FHOD3: variants seen among roughly 807,000 people sequenced by gnomAD.
FHOD3 encodes the protein formin homology 2 domain containing 3.
In FHOD3, 90 loss-of-function variants were observed where a neutral mutation model predicts 173.0. That is an observed-to-expected ratio of 0.52 (90% confidence interval 0.44 to 0.62). The LOEUF is 0.62. Ranked by LOEUF, FHOD3 falls within the 20% of genes least tolerant of loss-of-function variation. The pLI, the probability that FHOD3 is intolerant of heterozygous loss-of-function variation, is 0.00. For synonymous variants in FHOD3, 828 were observed against 823.0 expected (o/e 1.01, Z -0.10); for missense variants, 1,945 against 2,034.7 (o/e 0.96, Z 0.85).
chr18:36,614,866 T>TTTTTG (rs2033049161), intron 9 of FHOD3, among the ~76,000 whole-genome samples: 1 of 129,108 alleles, frequency 7.7e-6, no homozygotes, highest in Non-Finnish European at 1.7e-5. Flanking sequence ...TTTTTTTTTT[T>TTTTTG]GAGATGGAGC....
chr18:36,340,582 G>GTTT lies in FHOD3; in HGVS notation c.166-14947_166-14945dup, dbSNP rs33949867. On this transcript the variant is annotated intron_variant, in intron 1 of 28. Transcript: ENST00000590592. ...TTGGTTTGTATGACGGCTTTCTCTT[G>GTTT]TTTTTTTTTTTTCCCTCTGGTTCTC... Among the ~76,000 whole-genome samples the GTTT allele has an allele frequency of 9.3e-4, 134 of 144,644 alleles. 3 individuals are homozygous for GTTT. The highest frequency in any genetic ancestry group is 1.0e-3 in the Admixed American group (15 of 14,518). 94.9% of individuals were successfully genotyped at this position (144,644 alleles called of 152,430 possible). A position where few individuals can be genotyped will look rare whatever the true frequency, so the allele number is the denominator to read the frequency against.
chr18:36,470,756 C>T (rs2053236089), intron 3 of FHOD3, among the ~76,000 whole-genome samples: 1 of 152,230 alleles, frequency 6.6e-6, no homozygotes, highest in Non-Finnish European at 1.5e-5. Context: ...CAGATTCCCG[C>T]TCCGCGCTGG....
rs562501445 is a variant in FHOD3, at chr18:36,702,807, TGTGTGTGTGCGC to T, written c.2237-6278_2237-6267del. 4.3e-4 allele frequency among the ~76,000 whole-genome samples: 66 copies of T among 152,284 alleles called. 2 individuals carry two copies. In the South Asian group the frequency reaches 0.013, roughly 31 times the overall value. ...AACATTGAAACATTCCTGCCCACTG[TGTGTGTGTGCGC>T]GTGTGTGTGTGCACGTGTGCGTACA... On this transcript the variant is annotated intron_variant, in intron 17 of 28. Coordinates refer to ENST00000590592, the MANE Select transcript of FHOD3 (RefSeq NM_001281740.3).
At chr18:36,529,775 G>A (rs2056699454) in intron 5 of FHOD3, among the ~76,000 whole-genome samples, 1 of 152,136 alleles carries the variant, frequency 6.6e-6, no homozygotes, top group African/African-American at 2.4e-5. Flanking sequence ...ACTCCAGCCT[G>A]GGTGAAAGAG....
chr18:36,560,072 C>CCGT (rs2058034227), intron 5 of FHOD3, among the ~76,000 whole-genome samples: 1 of 152,174 alleles, frequency 6.6e-6, no homozygotes, highest in Admixed American at 6.5e-5. Flanking sequence ...TTTTCAGGAA[C>CCGT]CGTCCTTGGG....
chr18:36,762,564 AG>A (rs1219201599), intron 27 of FHOD3, among the ~76,000 whole-genome samples: 3 of 152,130 alleles, frequency 2.0e-5, no homozygotes, highest in African/African-American at 7.2e-5. Flanking sequence ...TGGGAGGCCG[AG>A]GTCGGTGGAT....
chr18:36,542,940 A>T (rs529450089), intron 5 of FHOD3, among the ~76,000 whole-genome samples: 1 of 152,240 alleles, frequency 6.6e-6, no homozygotes, highest in South Asian at 2.1e-4. Context: ...GTGGTCAAAC[A>T]TTATTCCAAA....
At chr18:36,511,117 A>G (rs1360799854) in intron 4 of FHOD3, among the ~76,000 whole-genome samples, 1 of 152,124 alleles carries the variant, frequency 6.6e-6, no homozygotes, top group Non-Finnish European at 1.5e-5. Context: ...ATAACCTTTC[A>G]TTATTCCATT....
intron 28 of FHOD3, chr18:36,778,417 T>G (rs2043847166): frequency 6.6e-6 from 1 of 152,202 alleles, no homozygotes; most frequent in Admixed American, 6.5e-5. Flanking sequence ...CCAAACTCTG[T>G]GCGAACTTTA....
chr18:36,349,605 G>A (rs553190243), intron 1 of FHOD3, among the ~76,000 whole-genome samples: 2 of 152,252 alleles, frequency 1.3e-5, no homozygotes, highest in South Asian at 4.1e-4. Flanking sequence ...AAATTTTATT[G>A]CCTGGGCTAT....
intron 3 of FHOD3, among the ~76,000 whole-genome samples, chr18:36,381,441 G>C (rs1485317783): frequency 6.6e-6 from 1 of 152,190 alleles, no homozygotes; most frequent in Non-Finnish European, 1.5e-5. Context: ...TTTACGTTGG[G>C]AAGTCCCTGG....
intron 1 of FHOD3, among the ~76,000 whole-genome samples, chr18:36,344,828 A>G (rs2145556606): frequency 6.6e-6 from 1 of 152,326 alleles, no homozygotes; most frequent in Non-Finnish European, 1.5e-5. Context: ...TATTGTAAGT[A>G]AAGGACTAAA....
intron 16 of FHOD3, among the ~76,000 whole-genome samples, chr18:36,691,147 C>T (rs975880318): frequency 7.2e-5 from 11 of 152,174 alleles, no homozygotes; most frequent in Non-Finnish European, 1.2e-4. Flanking sequence ...AATTCCTGCC[C>T]ACCTGGCTGC....
intron 3 of FHOD3, among the ~76,000 whole-genome samples, chr18:36,431,940 A>G (rs566855814): frequency 7.9e-5 from 12 of 152,360 alleles, no homozygotes; most frequent in Middle Eastern, 3.4e-3. Context: ...CCTGTCCCCA[A>G]TAATGCAGTT....
chr18:36,410,960 G>A (rs1402894260), intron 3 of FHOD3, among the ~76,000 whole-genome samples: 1 of 152,022 alleles, frequency 6.6e-6, no homozygotes, highest in African/African-American at 2.4e-5. Context: ...TCTGTGGGTT[G>A]CCTTTTTGTG....
chr18:36,697,426 A>C (rs1049028127), intron 17 of FHOD3, among the ~76,000 whole-genome samples: 9 of 152,236 alleles, frequency 5.9e-5, no homozygotes, highest in African/African-American at 2.2e-4. Context: ...TAACCTAGCC[A>C]TGAAAGCAAA....
intron 24 of FHOD3, among the ~76,000 whole-genome samples, chr18:36,753,146 G>A (rs1356403760): frequency 6.6e-6 from 1 of 152,114 alleles, no homozygotes; most frequent in Non-Finnish European, 1.5e-5. Context: ...TCTACACATG[G>A]GGAACAGCTG....
At chr18:36,306,742 C>G (rs185921374) in intron 1 of FHOD3, among the ~76,000 whole-genome samples, 1 of 152,130 alleles carries the variant, frequency 6.6e-6, no homozygotes, top group Non-Finnish European at 1.5e-5. Flanking sequence ...GAGCCTAGAA[C>G]AGCGTCTGGC....
intron 5 of FHOD3, among the ~76,000 whole-genome samples, chr18:36,522,851 C>T (rs781036787): frequency 1.3e-5 from 2 of 152,202 alleles, no homozygotes; most frequent in African/African-American, 4.8e-5. Context: ...AATGAGAAGA[C>T]AGCAATTATA....
Sources: gnomAD v4.1 joint callset for allele counts (sites outside exome capture counted in the v4.1 genomes callset) on GRCh38, gnomAD v4.1.1 for gene constraint, MANE v1.5 for transcripts, NCBI Gene and HGNC (gene_info 2026-07-23, HGNC 2026-07-21) for gene names.